Variants in ATG4A observed in about 807,000 individuals in gnomAD.
The protein encoded by ATG4A is cysteine protease ATG4A.
In ATG4A, 22 loss-of-function variants were observed where a neutral mutation model predicts 38.4. That is an observed-to-expected ratio of 0.57 (90% CI 0.41 to 0.82). The LOEUF is 0.82. Ranked by LOEUF, ATG4A falls within the 40% of genes least tolerant of loss-of-function variation. ATG4A has a pLI of 0.00. For synonymous variants in ATG4A, 86 were observed against 100.7 expected (o/e 0.85, Z 0.88); for missense variants, 220 against 290.0 (o/e 0.76, Z 1.75).
chrX:108,103,909 C>T (rs923864944), intron 1 of ATG4A, among the ~76,000 whole-genome samples: 1 of 111,483 alleles, frequency 9.0e-6, no homozygotes, highest in African/African-American at 3.3e-5. Flanking sequence ...TGCAATGGTG[C>T]GATCTTAGCT....
intron 1 of ATG4A, among the ~76,000 whole-genome samples, chrX:108,102,654 C>G (rs2032048463): frequency 9.0e-6 from 1 of 111,606 alleles, no homozygotes; most frequent in South Asian, 3.7e-4. Context: ...ATGTTTTCTT[C>G]TAGGACTTTT....
chrX:108,113,250 A>G (rs2032412922), intron 1 of ATG4A, among the ~76,000 whole-genome samples: 1 of 111,721 alleles, frequency 9.0e-6, no homozygotes, highest in Non-Finnish European at 1.9e-5. Context: ...GCGCTCTCCA[A>G]TTGGAGGTTT....
In ATG4A at chrX:108,154,608, G is replaced by C. The variant is rs1025156806; in HGVS notation, c.*896G>C. On this transcript the variant is annotated 3_prime_UTR_variant, in exon 13 of 13. Coordinates refer to ENST00000372232, the MANE Select transcript of ATG4A (RefSeq NM_052936.5). ...CCTGCAGGCTGTAGCTTGCCAATCA[G>C]TGACTTAAATTGTTGATTTTTGTTT... 11 of 112,503 alleles carry C rather than the reference G, an allele frequency of 9.8e-5. No homozygotes were observed. Among genetic ancestry groups the C allele is most frequent in the Non-Finnish European group, 1.7e-4 (9 of 53,322 alleles). 9.3% of individuals were successfully genotyped at this position (112,503 alleles called of 1,213,427 possible).
intron 9 of ATG4A, among the ~76,000 whole-genome samples, chrX:108,140,972 A>G (rs2033237824): frequency 1.1e-5 from 1 of 90,562 alleles, no homozygotes; most frequent in South Asian, 4.7e-4. Context: ...ATACACATAT[A>G]TACACATATA....
In ATG4A at chrX:108,153,623, C is replaced by T; in HGVS notation, c.1127-19C>T. ...CAAGTGTCAAGCTTTTCTTCTTTCT[C>T]ATTTCCGTATTCTGATAGAATTCAT... On this transcript the variant is annotated intron_variant, in intron 12 of 12. Coordinates refer to ENST00000372232, the MANE Select transcript of ATG4A (RefSeq NM_052936.5). 1 of 1,185,397 alleles carries T rather than the reference C, an allele frequency of 8.4e-7. No individual in the cohort carries two copies. The highest frequency in any genetic ancestry group is 1.1e-6 in the Non-Finnish European group (1 of 874,110).
At chrX:108,148,018 AAAATATATATATATATATATATATATAT>A (rs1408467094) in intron 9 of ATG4A, among the ~76,000 whole-genome samples, 1 of 66,133 alleles carries the variant, frequency 1.5e-5, no homozygotes, top group African/African-American at 5.6e-5. Context: ...GAACTAATGG[AAAATATATATATATATATATATATATAT>A]ATATATATAT....
chrX:108,112,229 T>A (rs770132857), intron 1 of ATG4A, among the ~76,000 whole-genome samples: 2 of 111,668 alleles, frequency 1.8e-5, no homozygotes, highest in Admixed American at 9.4e-5. Flanking sequence ...AAATAGTAGA[T>A]CTTACTCATT....
At chrX:108,135,237 C>G (rs1310073910) in intron 6 of ATG4A, among the ~76,000 whole-genome samples, 1 of 112,265 alleles carries the variant, frequency 8.9e-6, no homozygotes, top group Non-Finnish European at 1.9e-5. Flanking sequence ...ATAGAACTGC[C>G]TGGCATGCAT....
chrX:108,137,054 T>C, intron 6 of ATG4A, 37 bp from the exon 7 acceptor site: 1 of 1,129,991 alleles, frequency 8.8e-7, no homozygotes, highest in Non-Finnish European at 1.2e-6. Flanking sequence ...TATTTCCATC[T>C]TCCCAAATTG....
chrX:108,131,703 A>G (rs1183643827), intron 4 of ATG4A, among the ~76,000 whole-genome samples: 1 of 111,939 alleles, frequency 8.9e-6, no homozygotes, highest in African/African-American at 3.2e-5. Flanking sequence ...GGGTGTGGTG[A>G]TTAAGTCTGT....
At chrX:108,136,664 A>AT (rs1269494275) in intron 6 of ATG4A, among the ~76,000 whole-genome samples, 1 of 111,773 alleles carries the variant, frequency 8.9e-6, no homozygotes, top group African/African-American at 3.3e-5. Context: ...ACAAATATCT[A>AT]TTTTTTACGG....
At chrX:108,137,006 T>C (rs2033122128) in intron 6 of ATG4A, 85 bp from the exon 7 acceptor site, 1 of 829,701 alleles carries the variant, frequency 1.2e-6, no homozygotes, top group South Asian at 2.3e-5. Flanking sequence ...TTGGTGACTT[T>C]AGGAACACTG....
intron 2 of ATG4A, among the ~76,000 whole-genome samples, chrX:108,128,564 G>A (rs969215508): frequency 9.0e-6 from 1 of 111,582 alleles, no homozygotes; most frequent in Admixed American, 9.5e-5. Context: ...AGCTACCCAA[G>A]GTCATTATAC....
At chrX:108,150,449 C>A in intron 10 of ATG4A, 152 bp downstream of exon 10, 1 of 736,088 alleles carries the variant, frequency 1.4e-6, no homozygotes, top group Non-Finnish European at 2.0e-6. Flanking sequence ...GGAATGGACC[C>A]TGGAGCCAAA....
At chrX:108,112,729 A>T (rs2032397408) in intron 1 of ATG4A, among the ~76,000 whole-genome samples, 1 of 110,771 alleles carries the variant, frequency 9.0e-6, no homozygotes, top group South Asian at 3.8e-4. Context: ...ATAGAATATA[A>T]ATTTGTTTTG....
chrX:108,103,386 G>T (rs1315766607), intron 1 of ATG4A, among the ~76,000 whole-genome samples: 1 of 111,989 alleles, frequency 8.9e-6, no homozygotes, highest in African/African-American at 3.2e-5. Flanking sequence ...GACTGTATAT[G>T]TATGGATTTA....
intron 11 of ATG4A, 178 bp downstream of exon 11, chrX:108,152,036 A>G (rs1462699531): frequency 2.5e-6 from 1 of 404,770 alleles, no homozygotes; most frequent in South Asian, 6.5e-5. Context: ...CTTCGGGGAA[A>G]CTGAACAAAA....
At chrX:108,119,390 T>G (rs1406139728) in intron 1 of ATG4A, among the ~76,000 whole-genome samples, 1 of 111,770 alleles carries the variant, frequency 8.9e-6, no homozygotes, top group Admixed American at 9.5e-5. Context: ...GGTGGCTTTC[T>G]AACTTTTTTT....
chrX:108,094,037 G>T (rs1050550703), intron 1 of ATG4A, among the ~76,000 whole-genome samples: 1 of 110,918 alleles, frequency 9.0e-6, no homozygotes, highest in Non-Finnish European at 1.9e-5. Context: ...TTTTGATGGT[G>T]TCTTTTGAAG....
Sources: allele counts gnomAD v4.1 joint callset (sites outside exome capture counted in the v4.1 genomes callset), GRCh38; gene constraint gnomAD v4.1.1; transcripts MANE v1.5; gene names NCBI Gene and HGNC (gene_info 2026-07-23, HGNC 2026-07-21).